KMT2C: variants seen among roughly 807,000 people sequenced by gnomAD.
KMT2C encodes lysine methyltransferase 2C.
Under a neutral mutation model 507.9 loss-of-function variants are expected in KMT2C, and 88 were observed. The observed-to-expected ratio is 0.17, with a 90% CI of 0.15 to 0.21. The LOEUF (loss-of-function observed/expected upper bound fraction) is 0.21. KMT2C is among the 10% of genes least tolerant of loss of function. The probability of loss-of-function intolerance (pLI) is 1.00; values close to 1 mark genes in which losing one functional copy is unlikely to be tolerated. For synonymous variants in KMT2C, 2,049 were observed against 2,080.8 expected (o/e 0.98, Z 0.42); for missense variants, 4,954 against 5,957.8 (o/e 0.83, Z 5.55).
intron 3 of KMT2C, among the ~76,000 whole-genome samples, chr7:152,319,847 C>A (rs2096756010): frequency 6.6e-6 from 1 of 152,162 alleles, no homozygotes. Context: ...CCTCTCTCTG[C>A]CTCAGCTGCC....
At chr7:152,427,714 C>T (rs1399510567) in intron 1 of KMT2C, among the ~76,000 whole-genome samples, 1 of 152,184 alleles carries the variant, frequency 6.6e-6, no homozygotes, top group Admixed American at 6.5e-5. Flanking sequence ...GCATCCTAAT[C>T]CTTTACTAAT....
rs374554818 is a variant in KMT2C at position 152,167,944 on chromosome 7, C to T, written c.9518-566G>A. 2.6e-5 allele frequency among the ~76,000 whole-genome samples: 4 copies of T among 152,140 alleles called. No homozygotes were observed. In the East Asian group the frequency reaches 5.8e-4, roughly 22 times the overall value. Reference sequence around the variant, plus strand: ...AAAGTCTATGACTTATAAAGGAAATCCATAAGTTGAAAACATTGGTAATTA... The same window carrying T: ...AAAGTCTATGACTTATAAAGGAAATTCATAAGTTGAAAACATTGGTAATTA... On this transcript the variant is annotated intron_variant, in intron 41 of 58. Coordinates refer to ENST00000262189, the MANE Select transcript of KMT2C (RefSeq NM_170606.3).
chr7:152,157,043 G>A (rs1239733185), intron 44 of KMT2C, among the ~76,000 whole-genome samples: 1 of 151,884 alleles, frequency 6.6e-6, no homozygotes. Context: ...AATTTCATGA[G>A]GATGATAAAA....
intron 6 of KMT2C, among the ~76,000 whole-genome samples, chr7:152,291,275 A>G (rs1318107700): frequency 1.3e-5 from 2 of 152,294 alleles, no homozygotes; most frequent in Admixed American, 1.3e-4. Context: ...ATGGCAATTC[A>G]GTATATTCTG....
intron 9 of KMT2C, among the ~76,000 whole-genome samples, chr7:152,255,109 T>TTATATATA (rs1207305132): frequency 0.022 from 1,729 of 78,170 alleles, 72 homozygotes; most frequent in East Asian, 0.026. Flanking sequence ...CAACTCTCAC[T>TTATATATA]TATATATATA....
chr7:152,195,559 T>C lies in KMT2C; in HGVS notation c.4378+348A>G, dbSNP rs2093937340. 13 of 984,954 alleles carry C rather than the reference T, an allele frequency of 1.3e-5. No individual in the cohort carries two copies. In the South Asian group the frequency reaches 4.7e-4, roughly 36 times the overall value. 61.0% of individuals were successfully genotyped at this position (984,954 alleles called of 1,614,324 possible). A position where few individuals can be genotyped will look rare whatever the true frequency, so the allele number is the denominator to read the frequency against. Reference sequence around the variant, plus strand: ...GTGAGCTCTCAACCTGGAAAGTGCATAAATCAAGACCTATAAGACCCAAAC... The same window carrying C: ...GTGAGCTCTCAACCTGGAAAGTGCACAAATCAAGACCTATAAGACCCAAAC... On this transcript the variant is annotated intron_variant, in intron 28 of 58. Coordinates refer to ENST00000262189, the MANE Select transcript of KMT2C (RefSeq NM_170606.3).
chr7:152,181,599 A>G lies in KMT2C; in HGVS notation c.6261T>C (p.His2087=). Residue 2087 remains histidine, a synonymous_variant, in exon 36 of 59, where the codon CAT becomes CAC. Coordinates refer to ENST00000262189, the MANE Select transcript of KMT2C (RefSeq NM_170606.3). ...LTPRPIDNFS[H]NQSNDPYSQP... ...GACTATATGGATCATTTGACTGATTATGAGAAAAATTATCTATAGGTCTTG... is the reference window on the plus strand; with the variant it reads ...GACTATATGGATCATTTGACTGATTGTGAGAAAAATTATCTATAGGTCTTG... The G allele has an allele frequency of 6.2e-7, 1 of 1,614,074 alleles. No homozygotes were observed. Among genetic ancestry groups the G allele is most frequent in the Non-Finnish European group, 8.5e-7 (1 of 1,180,020 alleles).
chr7:152,220,828 A>G (rs765966331), intron 22 of KMT2C, 93 bp from the exon 23 acceptor site: 21 of 883,592 alleles, frequency 2.4e-5, no homozygotes, highest in Non-Finnish European at 3.2e-5. Flanking sequence ...AGGGAATGTG[A>G]CTGTAGTTCT....
chr7:152,263,208 A>G, intron 8 of KMT2C, 78 bp from the exon 9 acceptor site: 1 of 1,285,484 alleles, frequency 7.8e-7, no homozygotes, highest in Non-Finnish European at 1.1e-6. Context: ...GAAAATAATC[A>G]GTCCTGGGAA....
At chr7:152,348,455 CAGGCATG>C (rs555139300) in intron 2 of KMT2C, among the ~76,000 whole-genome samples, 364 of 151,524 alleles carry the variant, frequency 2.4e-3, no homozygotes, top group African/African-American at 8.5e-3. Flanking sequence ...AAAAAGTAGC[CAGGCATG>C]GTGGCAGGTG....
rs2097419360 is a variant in KMT2C, at chr7:152,385,643, A to T, written c.162-26968T>A. Among the ~76,000 whole-genome samples the T allele has an allele frequency of 1.7e-5, 2 of 114,968 alleles. 1 individual carries two copies. Among genetic ancestry groups the T allele is most frequent in the African/African-American group, 1.4e-4 (2 of 14,536 alleles). The allele number at this position is 114,968 out of a possible 152,430, so 75.4% of individuals were successfully genotyped here. ...AAAAAAAAAAAAAAAAAAAAAAAAA[A>T]AAAAAATTGAGACGTGTTTACCTGA... On this transcript the variant is annotated intron_variant, in intron 1 of 58. Coordinates refer to ENST00000262189, the MANE Select transcript of KMT2C (RefSeq NM_170606.3).
At chr7:152,348,503 G>A (rs1466626436) in intron 2 of KMT2C, among the ~76,000 whole-genome samples, 1 of 149,584 alleles carries the variant, frequency 6.7e-6, no homozygotes, top group African/African-American at 2.5e-5. Flanking sequence ...GGAGGCTGAG[G>A]TAAGAGAATC....
chr7:152,212,723 A>G (rs1425169989), intron 23 of KMT2C, among the ~76,000 whole-genome samples: 3 of 152,262 alleles, frequency 2.0e-5, no homozygotes, highest in Non-Finnish European at 4.4e-5. Context: ...TATACTAAAC[A>G]CTATAAAATA....
chr7:152,395,212 T>C (rs564793747), intron 1 of KMT2C, among the ~76,000 whole-genome samples: 2 of 152,254 alleles, frequency 1.3e-5, no homozygotes, highest in East Asian at 3.9e-4. Flanking sequence ...TGAGACAGGG[T>C]CTTGCTCTGT....
intron 27 of KMT2C, among the ~76,000 whole-genome samples, chr7:152,198,852 AG>A (rs2094044212): frequency 6.6e-6 from 1 of 152,170 alleles, no homozygotes; most frequent in African/African-American, 2.4e-5. Context: ...ACCATGACCT[AG>A]GGCAACAGAC....
intron 3 of KMT2C, among the ~76,000 whole-genome samples, chr7:152,327,197 C>T (rs931674646): frequency 1.3e-5 from 2 of 152,144 alleles, no homozygotes; most frequent in African/African-American, 4.8e-5. Context: ...ACATGGATAG[C>T]CAATTATTGA....
Position 152,252,620 on chromosome 7 carries a change from G to C in KMT2C, c.1395C>G (p.Asn465Lys), listed in dbSNP as rs1235781664. The C allele has an allele frequency of 6.2e-7, 1 of 1,613,470 alleles. No individual in the cohort carries two copies. Among genetic ancestry groups the C allele is most frequent in the Admixed American group, 1.7e-5 (1 of 60,002 alleles). Residue 465 changes from asparagine (N) to lysine (K), a missense_variant, in exon 10 of 59, where the codon AAC becomes AAG. By Grantham distance (94) the Asn-to-Lys change is moderately conservative (BLOSUM62 0). Coordinates refer to ENST00000262189, the MANE Select transcript of KMT2C (RefSeq NM_170606.3). ...ICDNCYQQQD[N>K]LCPFCGKCYH... The stretch of plus-strand genomic sequence containing the variant: ...AACACTTCCCACAGAAGGGACATAA[G>C]TTATCCTGCTGTTGGTAACAATTGT...
At chr7:152,329,140 G>T (rs1013284559) in intron 3 of KMT2C, among the ~76,000 whole-genome samples, 1 of 152,082 alleles carries the variant, frequency 6.6e-6, no homozygotes, top group South Asian at 2.1e-4. Flanking sequence ...GAGACAAAAA[G>T]TAGACAAGAT....
chr7:152,139,613 G>T (rs748413749), intron 56 of KMT2C, 62 bp downstream of exon 56: 3 of 1,131,006 alleles, frequency 2.7e-6, no homozygotes, highest in Admixed American at 3.5e-5. Context: ...GTGTCTGGCT[G>T]GCACGGAGAA....
Sources: gnomAD v4.1 joint callset for allele counts (sites outside exome capture counted in the v4.1 genomes callset) on GRCh38, gnomAD v4.1.1 for gene constraint, MANE v1.5 for transcripts, NCBI Gene and HGNC (gene_info 2026-07-23, HGNC 2026-07-21) for gene names.